Variants in EYS observed in about 807,000 individuals in gnomAD.
EYS encodes the protein protein eyes shut homolog.
EYS carries 250 observed loss-of-function variants against 282.1 expected under a neutral mutation model. The observed-to-expected ratio is 0.89, with a 90% CI of 0.80 to 0.98. The LOEUF is 0.98. EYS is among the 50% of genes least tolerant of loss of function. EYS has a pLI of 0.00. For synonymous variants in EYS, 1,355 were observed against 1,282.9 expected (o/e 1.06, Z -1.20); for missense variants, 4,016 against 3,709.0 (o/e 1.08, Z -2.15).
chr6:65,359,480 C>A (rs1764616603), intron 8 of EYS, among the ~76,000 whole-genome samples: 2 of 151,908 alleles, frequency 1.3e-5, no homozygotes, highest in African/African-American at 4.8e-5. Context: ...CAGCAGCAAC[C>A]TTTCTTAGGA....
intron 12 of EYS, among the ~76,000 whole-genome samples, chr6:65,124,213 AC>A (rs753047729): frequency 2.0e-5 from 3 of 152,120 alleles, no homozygotes; most frequent in African/African-American, 7.2e-5. Context: ...GTAAAAAAAA[AC>A]ATTGAAAGCA....
chr6:65,195,353 C>T (rs1765739090), intron 12 of EYS, among the ~76,000 whole-genome samples: 1 of 151,852 alleles, frequency 6.6e-6, no homozygotes, highest in Non-Finnish European at 1.5e-5. Flanking sequence ...ATTCATAAAA[C>T]ATCAGCCTGG....
chr6:64,784,005 C>T (rs1489334556), intron 22 of EYS, among the ~76,000 whole-genome samples: 1 of 152,028 alleles, frequency 6.6e-6, no homozygotes. Flanking sequence ...ATGGTATGTT[C>T]ATGACCTTAC....
chr6:64,167,895 A>T (rs1764344111), intron 31 of EYS, among the ~76,000 whole-genome samples: 1 of 152,214 alleles, frequency 6.6e-6, no homozygotes, highest in Non-Finnish European at 1.5e-5. Flanking sequence ...GATATTTAAC[A>T]TCATTTGTCA....
intron 36 of EYS, among the ~76,000 whole-genome samples, chr6:63,856,650 G>A (rs933004487): frequency 6.6e-6 from 1 of 152,192 alleles, no homozygotes; most frequent in Non-Finnish European, 1.5e-5. Context: ...ATAGTTTTAA[G>A]ATGAGAGGTA....
chr6:64,809,129 A>C (rs1281877698), intron 22 of EYS, among the ~76,000 whole-genome samples: 1 of 152,110 alleles, frequency 6.6e-6, no homozygotes, highest in Non-Finnish European at 1.5e-5. Flanking sequence ...TCTGGCAAAT[A>C]GAGTTAGGAT....
At chr6:65,392,860 G>A (rs1041268357) in intron 7 of EYS, among the ~76,000 whole-genome samples, 2 of 151,862 alleles carry the variant, frequency 1.3e-5, no homozygotes, top group Non-Finnish European at 2.9e-5. Flanking sequence ...CTGCTATAAA[G>A]ACACATGCAC....
chr6:65,131,616 T>C (rs1035828733), intron 12 of EYS, among the ~76,000 whole-genome samples: 6 of 151,422 alleles, frequency 4.0e-5, no homozygotes, highest in African/African-American at 1.5e-4. Context: ...AGTGCTGACA[T>C]CAAAATGTTA....
intron 26 of EYS, among the ~76,000 whole-genome samples, chr6:64,482,185 T>A (rs1000885485): frequency 1.3e-5 from 2 of 151,606 alleles, no homozygotes; most frequent in Admixed American, 1.3e-4. Context: ...GTACTAGCAA[T>A]GGGGATTTTT....
chr6:64,024,738 G>A (rs920898433), intron 33 of EYS, among the ~76,000 whole-genome samples: 3 of 152,096 alleles, frequency 2.0e-5, no homozygotes, highest in Non-Finnish European at 2.9e-5. Context: ...CTTAAGAGCT[G>A]TAACACTCAC....
intron 40 of EYS, among the ~76,000 whole-genome samples, chr6:63,764,080 G>T (rs550000951): frequency 6.6e-6 from 1 of 151,118 alleles, no homozygotes; most frequent in Non-Finnish European, 1.5e-5. Context: ...TGAGAGAAAG[G>T]GTTAACTTAA....
chr6:65,107,438 C>T lies in EYS; in HGVS notation c.2024-49711G>A, dbSNP rs28534046. Among the ~76,000 whole-genome samples the T allele has an allele frequency of 3.7e-3, 556 of 151,616 alleles. 7 individuals carry two copies. Among genetic ancestry groups the T allele is most frequent in the African/African-American group, 0.013 (532 of 41,360 alleles). ...TTGGCTCTTGGGAACATAAAAGAAACTTGTATTATCTTTTTAAATCTGAAC... is the reference window on the plus strand; with the variant it reads ...TTGGCTCTTGGGAACATAAAAGAAATTTGTATTATCTTTTTAAATCTGAAC... On this transcript the variant is annotated intron_variant, in intron 12 of 42. Transcript: ENST00000503581.
intron 5 of EYS, among the ~76,000 whole-genome samples, chr6:65,433,549 G>A (rs1273912577): frequency 6.6e-6 from 1 of 152,156 alleles, no homozygotes; most frequent in Non-Finnish European, 1.5e-5. Context: ...CTCATTATAT[G>A]AGAGATGAAA....
At chr6:64,766,838 C>A (rs11968683) in intron 22 of EYS, among the ~76,000 whole-genome samples, 2,907 of 150,180 alleles carry the variant, frequency 0.019, 80 homozygotes, top group African/African-American at 0.065. Context: ...TATTTTGTGA[C>A]AATAATTTGT....
At chr6:64,619,197 T>C (rs1767369066) in intron 23 of EYS, among the ~76,000 whole-genome samples, 1 of 152,206 alleles carries the variant, frequency 6.6e-6, no homozygotes, top group South Asian at 2.1e-4. Flanking sequence ...TTGTATTTTT[T>C]ATATATTGTA....
At chr6:64,473,830 C>A (rs1278073975) in intron 26 of EYS, among the ~76,000 whole-genome samples, 1 of 152,096 alleles carries the variant, frequency 6.6e-6, no homozygotes, top group Non-Finnish European at 1.5e-5. Flanking sequence ...AGACTGTAGA[C>A]CGCCTATGGG....
chr6:64,691,825 A>G (rs1770395487), intron 22 of EYS, among the ~76,000 whole-genome samples: 1 of 152,186 alleles, frequency 6.6e-6, no homozygotes, highest in Non-Finnish European at 1.5e-5. Context: ...TGCAAAGGAC[A>G]TGATTTCATT....
At chr6:64,703,194 C>A (rs1770848112) in intron 22 of EYS, among the ~76,000 whole-genome samples, 1 of 151,532 alleles carries the variant, frequency 6.6e-6, no homozygotes, top group Admixed American at 6.6e-5. Flanking sequence ...GCATGAGGTT[C>A]ATAATATTGT....
chr6:64,455,704 G>A (rs1775538434), intron 26 of EYS, among the ~76,000 whole-genome samples: 1 of 152,062 alleles, frequency 6.6e-6, no homozygotes, highest in Non-Finnish European at 1.5e-5. Context: ...AACATGTGGT[G>A]TTTGGTTTTG....
Sources: gnomAD v4.1 joint callset for allele counts (sites outside exome capture counted in the v4.1 genomes callset) on GRCh38, gnomAD v4.1.1 for gene constraint, MANE v1.5 for transcripts, NCBI Gene and HGNC (gene_info 2026-07-23, HGNC 2026-07-21) for gene names.